HS6ST2: variants seen among roughly 807,000 people sequenced by gnomAD.
HS6ST2 encodes the protein heparan-sulfate 6-O-sulfotransferase 2.
HS6ST2 carries 17 observed loss-of-function variants against 33.0 expected under a neutral mutation model. That is an observed-to-expected ratio of 0.52 (90% CI 0.35 to 0.77). The LOEUF (loss-of-function observed/expected upper bound fraction) is 0.77. HS6ST2 is among the 30% of genes least tolerant of loss of function. HS6ST2 has a pLI of 0.01. For synonymous variants in HS6ST2, 248 were observed against 237.1 expected (o/e 1.05, Z -0.42); for missense variants, 519 against 551.7 (o/e 0.94, Z 0.59).
In HS6ST2 at chrX:132,752,666, A is replaced by C. The variant is rs183764771; in HGVS notation, c.948-44172T>G. On this transcript the variant is annotated intron_variant, in intron 2 of 4. Transcript: ENST00000370833. Reference sequence around the variant, plus strand: ...CCTCGCAAAACACATCTTTCTGCCAAGTCAAGTCAGCTCAATGTTGTACTT... The same window carrying C: ...CCTCGCAAAACACATCTTTCTGCCACGTCAAGTCAGCTCAATGTTGTACTT... 1.7e-3 allele frequency among the ~76,000 whole-genome samples: 195 copies of C among 111,541 alleles called. 3 individuals are homozygous for C. The Middle Eastern group carries it at 0.051, about 29-fold the overall frequency.
intron 4 of HS6ST2, among the ~76,000 whole-genome samples, chrX:132,661,197 C>A (rs2063769507): frequency 9.0e-6 from 1 of 110,617 alleles, no homozygotes; most frequent in Middle Eastern, 4.6e-3. Context: ...AAGGCTTTAA[C>A]CAGTGCAATA....
At chrX:132,683,534 G>A (rs1387572523) in intron 3 of HS6ST2, among the ~76,000 whole-genome samples, 1 of 112,153 alleles carries the variant, frequency 8.9e-6, no homozygotes, top group Non-Finnish European at 1.9e-5. Context: ...CACTCCTAGT[G>A]CTGGAAGGTT....
In HS6ST2 at chrX:132,629,036, CCACT is replaced by C; in HGVS notation, c.1121_1124del (p.Glu374GlyfsTer51). On this transcript the variant is annotated frameshift_variant, in exon 5 of 5. Transcript: ENST00000370833. LOFTEE classifies it high-confidence loss of function. ...ATGTTGCCCCTCTCTGGACATGCCT[CCACT>C]CACTCAAGTACCGGGACACTGGGTC... 2 of 1,204,675 alleles carry C rather than the reference CCACT, an allele frequency of 1.7e-6. No individual in the cohort carries two copies. Among genetic ancestry groups the C allele is most frequent in the Non-Finnish European group, 2.2e-6 (2 of 891,917 alleles).
At chrX:132,651,344 C>T (rs1369458321) in intron 4 of HS6ST2, among the ~76,000 whole-genome samples, 1 of 111,694 alleles carries the variant, frequency 9.0e-6, no homozygotes, top group East Asian at 2.8e-4. Context: ...GGAGCAAGTG[C>T]CCCAAATACT....
intron 3 of HS6ST2, among the ~76,000 whole-genome samples, chrX:132,696,408 A>G (rs1317757583): frequency 9.0e-6 from 1 of 111,680 alleles, no homozygotes; most frequent in Non-Finnish European, 1.9e-5. Context: ...TGAAGAAACC[A>G]AGGCCCAGAG....
At chrX:132,719,034 G>A (rs1207291050) in intron 2 of HS6ST2, among the ~76,000 whole-genome samples, 1 of 112,056 alleles carries the variant, frequency 8.9e-6, no homozygotes, top group Non-Finnish European at 1.9e-5. Context: ...AGAAGCTAGA[G>A]TATGTGACTC....
chrX:132,715,484 C>T (rs761702544), intron 2 of HS6ST2, among the ~76,000 whole-genome samples: 118 of 112,062 alleles, frequency 1.1e-3, no homozygotes, highest in Non-Finnish European at 1.4e-3. Flanking sequence ...ATCACAAACT[C>T]GGGGATATGT....
At chrX:132,663,421 A>G (rs2063787784) in intron 4 of HS6ST2, among the ~76,000 whole-genome samples, 1 of 112,478 alleles carries the variant, frequency 8.9e-6, no homozygotes, top group Non-Finnish European at 1.9e-5. Flanking sequence ...AGGAAAAGGT[A>G]GTTAGGCTAT....
intron 4 of HS6ST2, among the ~76,000 whole-genome samples, chrX:132,645,325 C>A (rs2063631932): frequency 8.9e-6 from 1 of 112,536 alleles, no homozygotes; most frequent in South Asian, 3.7e-4. Context: ...ATATAGGAGA[C>A]CAGCTATTAT....
chrX:132,690,175 T>C (rs1423106328), intron 3 of HS6ST2, among the ~76,000 whole-genome samples: 1 of 112,502 alleles, frequency 8.9e-6, no homozygotes, highest in Non-Finnish European at 1.9e-5. Flanking sequence ...ATTTTTCAAA[T>C]GTCACAAAAC....
intron 2 of HS6ST2, among the ~76,000 whole-genome samples, chrX:132,863,958 G>C (rs1162692655): frequency 9.0e-6 from 1 of 111,533 alleles, no homozygotes; most frequent in African/African-American, 3.3e-5. Context: ...CAGGCAAACA[G>C]GGTCTGGACT....
chrX:132,704,616 A>C (rs904228517), intron 3 of HS6ST2, among the ~76,000 whole-genome samples: 3 of 112,277 alleles, frequency 2.7e-5, no homozygotes, highest in African/African-American at 9.7e-5. Context: ...AAACATGCCA[A>C]TCTTCCAGCA....
chrX:132,837,050 CGTGAG>C (rs1399826503), intron 2 of HS6ST2, among the ~76,000 whole-genome samples: 2 of 111,532 alleles, frequency 1.8e-5, no homozygotes, highest in Non-Finnish European at 3.8e-5. Flanking sequence ...TTACTTGAGC[CGTGAG>C]GTGGAGAGAA....
In HS6ST2 at chrX:132,886,929, G is replaced by A. The variant is rs186620628; in HGVS notation, c.947+69879C>T. Among the ~76,000 whole-genome samples the A allele has an allele frequency of 1.5e-3, 169 of 111,076 alleles. 1 individual carries two copies. The highest frequency in any genetic ancestry group is 5.3e-3 in the African/African-American group (162 of 30,534). ...GAGGGCAGATCACTTGAGGTCAGGA[G>A]TTTGAGACCAGCCTGACCAACATGA... On this transcript the variant is annotated intron_variant, in intron 2 of 4. Transcript: ENST00000370833.
chrX:132,741,894 G>A lies in HS6ST2; in HGVS notation c.948-33400C>T, dbSNP rs761320506. ...CATGAGTCATCCCTCCTCTCTATCT[G>A]TAAAAGGGATTAATAACAATGCCAA... On this transcript the variant is annotated intron_variant, in intron 2 of 4. Transcript: ENST00000370833. 4.5e-5 allele frequency among the ~76,000 whole-genome samples: 5 copies of A among 111,608 alleles called. No individual in the cohort carries two copies. In the South Asian group the frequency reaches 1.9e-3, roughly 42 times the overall value.
chrX:132,802,080 T>C (rs1449104487), intron 2 of HS6ST2, among the ~76,000 whole-genome samples: 1 of 112,046 alleles, frequency 8.9e-6, no homozygotes, highest in Non-Finnish European at 1.9e-5. Context: ...TAATATAAAA[T>C]ATCTGTATAA....
Position 132,958,262 on chromosome X carries a change from A to T in HS6ST2, c.341T>A (p.Leu114Gln). 8.4e-7 allele frequency: 1 copy of T among 1,188,390 alleles called. No individual in the cohort carries two copies. Among genetic ancestry groups the T allele is most frequent in the Non-Finnish European group, 1.1e-6 (1 of 889,092 alleles). ...CAGGGCGGCCAGGCCCCGAGTGAGC[A>T]GGGCCCGGCAGAGGGAGCCCAGGTC... ...RWDLGSLCRALLTRGLAALGH... is the reference protein window; with the variant it reads ...RWDLGSLCRAQLTRGLAALGH... The change falls in exon 1 of 5, where the codon CTG (leucine) becomes CAG (glutamine). Residue 114 changes from leucine to glutamine, a missense_variant. Coordinates refer to ENST00000370833, the MANE Select transcript of HS6ST2 (RefSeq NM_001394073.1).
intron 2 of HS6ST2, among the ~76,000 whole-genome samples, chrX:132,798,088 G>C (rs1032390358): frequency 1.9e-5 from 2 of 106,222 alleles, no homozygotes; most frequent in East Asian, 6.2e-4. Flanking sequence ...TTCCCAATGG[G>C]GCACCTGCTT....
At chrX:132,724,870 T>C (rs754988728) in intron 2 of HS6ST2, among the ~76,000 whole-genome samples, 49 of 112,130 alleles carry the variant, frequency 4.4e-4, no homozygotes, top group African/African-American at 1.6e-3. Context: ...GAACTGATTT[T>C]TGATAAAATT....
Sources: allele counts gnomAD v4.1 joint callset (sites outside exome capture counted in the v4.1 genomes callset), GRCh38; gene constraint gnomAD v4.1.1; transcripts MANE v1.5; gene names NCBI Gene and HGNC (gene_info 2026-07-23, HGNC 2026-07-21).